EFTUD2: variants seen among roughly 807,000 people sequenced by gnomAD.
EFTUD2 encodes the protein elongation factor Tu GTP binding domain containing 2, also known as 116 kDa U5 small nuclear ribonucleoprotein component.
EFTUD2 carries 9 observed loss-of-function variants against 114.3 expected under a neutral mutation model. The ratio of observed to expected loss-of-function variants is 0.08; its 90% CI spans 0.05 to 0.14. EFTUD2 has a LOEUF of 0.14. Ranked by LOEUF, EFTUD2 falls within the 10% of genes least tolerant of loss-of-function variation. The pLI is 1.00. For missense variants in EFTUD2, 765 were observed against 1,241.2 expected, an observed-to-expected ratio of 0.62 and a Z score of 5.76; for synonymous variants, 449 against 462.3, an observed-to-expected ratio of 0.97 and a Z score of 0.37.
At chr17:44,878,090 C>G (rs980340221) in intron 9 of EFTUD2, among the ~76,000 whole-genome samples, 1 of 150,838 alleles carries the variant, frequency 6.6e-6, no homozygotes, top group Non-Finnish European at 1.5e-5. Context: ...AAACTGAGAT[C>G]GCACCACTTC....
chr17:44,867,061 C>T (rs894481858), intron 13 of EFTUD2, among the ~76,000 whole-genome samples: 3 of 152,176 alleles, frequency 2.0e-5, no homozygotes, highest in Admixed American at 6.5e-5. Flanking sequence ...GAGCTATGAT[C>T]GTGCTATTGC....
Position 44,863,777 on chromosome 17 carries a change from C to A in EFTUD2, c.1291G>T (p.Val431Leu). The part of the protein sequence containing the change: ...KKFFGEFTGF[V>L]DMCVQHIPSP... ...GGGATATGCTGCACACACATGTCCACAAAGCCTGTGGATGGAGAAGAGAAA... is the reference window on the plus strand; with the variant it reads ...GGGATATGCTGCACACACATGTCCAAAAAGCCTGTGGATGGAGAAGAGAAA... Residue 431 changes from valine (V) to leucine (L), a missense_variant, in exon 15 of 28, where the codon GTG (valine) becomes TTG (leucine). Physicochemically the swap from Val to Leu is conservative, Grantham distance 32. This residue lies in a region of EFTUD2 where 251 missense variants were observed against 357.7 expected (regional missense o/e 0.70). Coordinates refer to ENST00000426333, the MANE Select transcript of EFTUD2 (RefSeq NM_004247.4). The A allele has an allele frequency of 6.2e-7, 1 of 1,613,950 alleles. No homozygotes were observed. Among genetic ancestry groups the A allele is most frequent in the Non-Finnish European group, 8.5e-7 (1 of 1,179,898 alleles).
At chr17:44,852,003 C>T (rs1023538598) in intron 26 of EFTUD2, among the ~76,000 whole-genome samples, 186 bp from the exon 27 acceptor site, 2 of 152,046 alleles carry the variant, frequency 1.3e-5, no homozygotes, top group East Asian at 3.9e-4. Flanking sequence ...ATGCAACCTC[C>T]GCCTCCCGGG....
At chr17:44,860,226 A>T in intron 17 of EFTUD2, 181 bp from the exon 18 acceptor site, 1 of 864,896 alleles carries the variant, frequency 1.2e-6, no homozygotes, top group East Asian at 2.6e-5. Flanking sequence ...GGCAGAACAA[A>T]GAGAGGAGGA....
chr17:44,851,963 G>A lies in EFTUD2; in HGVS notation c.2716-146C>T, dbSNP rs1017459512. On this transcript the variant is annotated intron_variant, in intron 26 of 27. Transcript: ENST00000426333. ...ATGGAGTTTCGCTCTTGTCTCCCAG[G>A]CTGGAGTACAATGGCATGATCTCGG... 1.2e-5 allele frequency: 9 copies of A among 765,840 alleles called. No individual in the cohort carries two copies. In the Admixed American group the frequency reaches 2.9e-4, roughly 24 times the overall value. 47.4% of individuals were successfully genotyped at this position (765,840 alleles called of 1,614,324 possible). A position where few individuals can be genotyped will look rare whatever the true frequency, so the allele number is the denominator to read the frequency against.
At chr17:44,882,541 C>T (rs2051091301) in intron 6 of EFTUD2, among the ~76,000 whole-genome samples, 1 of 152,228 alleles carries the variant, frequency 6.6e-6, no homozygotes, top group African/African-American at 2.4e-5. Context: ...TAGGCATGAG[C>T]CACCACTCTT....
At chr17:44,893,150 C>T (rs1439536802) in intron 2 of EFTUD2, among the ~76,000 whole-genome samples, 1 of 148,146 alleles carries the variant, frequency 6.8e-6, no homozygotes, top group Non-Finnish European at 1.5e-5. Flanking sequence ...GAGACCGAGT[C>T]TCACTCTTGT....
Position 44,854,864 on chromosome 17 carries a change from A to T in EFTUD2, c.2132+54T>A. Reference sequence around the variant, plus strand: ...GTGTGCTCTTAGAGACCCGGCAGTTAAACTGTGGCATCCCTGCCTCCTTTC... The same window carrying T: ...GTGTGCTCTTAGAGACCCGGCAGTTTAACTGTGGCATCCCTGCCTCCTTTC... On this transcript the variant is annotated intron_variant, in intron 21 of 27. Transcript: ENST00000426333. This position sits in a 1 kb window ranked among gnomAD's most constrained non-coding sequence, Gnocchi z 4.3. 1 of 1,590,772 alleles carries T rather than the reference A, an allele frequency of 6.3e-7. No homozygotes were observed. The highest frequency in any genetic ancestry group is 8.6e-7 in the Non-Finnish European group (1 of 1,159,270).
At position 44,850,943 on chromosome 17, in the gene EFTUD2, T is replaced by C. The variant is rs1249859648; in HGVS notation, c.*331A>G. The C allele has an allele frequency of 6.0e-6, 2 of 332,056 alleles. No homozygotes were observed. The highest frequency in any genetic ancestry group is 4.1e-5 in the Admixed American group (1 of 24,386). The allele number at this position is 332,056 out of a possible 1,614,324, so 20.6% of individuals were successfully genotyped here. On this transcript the variant is annotated 3_prime_UTR_variant, in exon 28 of 28. Transcript: ENST00000426333. ...GAATGTTCTGTTCACTTGCAAACCA[T>C]GGCTAAGGTCAAACTTGTAGAAAAT... is the stretch of plus-strand genomic sequence containing the variant.
rs2050474471 is a variant in EFTUD2 at position 44,852,571 on chromosome 17, G to C, written c.2562-9C>G. The C allele has an allele frequency of 6.2e-7, 1 of 1,612,922 alleles. No individual in the cohort carries two copies. Among genetic ancestry groups the C allele is most frequent in the Non-Finnish European group, 8.5e-7 (1 of 1,179,494 alleles). ...CCTGAGTCACGTGCCCCCTGAGACA[G>C]AAAAACAAAGGCTGAGCCTCTAGTC... On this transcript the variant is annotated splice_polypyrimidine_tract_variant and intron_variant, in intron 25 of 27. Transcript: ENST00000426333.
Position 44,859,160 on chromosome 17 carries a change from C to G in EFTUD2, c.1882G>C (p.Val628Leu). The part of the protein sequence containing the change: ...TTKVEESGEH[V>L]ILGTGELYLD... The stretch of plus-strand genomic sequence containing the variant: ...TAGAGCTCCCCAGTGCCCAGGATCA[C>G]ATGCTCGCCAGACTCCTCCACCTGA... The change falls in exon 19 of 28, where the codon GTG becomes CTG. Residue 628 changes from valine to leucine, a missense_variant. Val to Leu is a conservative substitution (Grantham distance 32, BLOSUM62 1). Transcript: ENST00000426333. 1.2e-6 allele frequency: 2 copies of G among 1,613,910 alleles called. No homozygotes were observed. The highest frequency in any genetic ancestry group is 1.7e-6 in the Non-Finnish European group (2 of 1,179,760).
intron 13 of EFTUD2, 112 bp downstream of exon 13, chr17:44,867,695 T>C (rs2050774237): frequency 2.3e-6 from 2 of 880,152 alleles, no homozygotes; most frequent in East Asian, 3.1e-5. Context: ...ACCACCCTTA[T>C]ACTTGACATA....
Position 44,886,778 on chromosome 17 carries a change from G to C in EFTUD2, c.106-28C>G, listed in dbSNP as rs777040962. The C allele has an allele frequency of 6.2e-6, 10 of 1,600,554 alleles. No homozygotes were observed. In the East Asian group the frequency reaches 2.3e-4, roughly 36 times the overall value. ...GAAAGCAAGAGGGAGAGGGAGAATCGAAGAGGCACACGCTTTTCCTGTTTG... is the reference window on the plus strand; with the variant it reads ...GAAAGCAAGAGGGAGAGGGAGAATCCAAGAGGCACACGCTTTTCCTGTTTG... On this transcript the variant is annotated intron_variant, in intron 2 of 27. Transcript: ENST00000426333.
rs1186855869 is a variant in EFTUD2, at chr17:44,865,015, G to A, written c.1200C>T (p.Gly400=). ...TCAGCTCCTCCTTCGTCAGGTGGAT[G>A]CCAAGCTCGTCTAGGGTCCGTGGGA... ...TSLPRTLDEL[G]IHLTKEELKL... Residue 400 remains glycine (G), a synonymous_variant, in exon 14 of 28, where the codon GGC becomes GGT. Transcript: ENST00000426333. 1.2e-6 allele frequency: 2 copies of A among 1,614,072 alleles called. No homozygotes were observed. Among genetic ancestry groups the A allele is most frequent in the Non-Finnish European group, 1.7e-6 (2 of 1,180,052 alleles).
At chr17:44,866,868 C>CCT (rs2050755173) in intron 13 of EFTUD2, among the ~76,000 whole-genome samples, 1 of 152,126 alleles carries the variant, frequency 6.6e-6, no homozygotes, top group Non-Finnish European at 1.5e-5. Flanking sequence ...CTTTGGGAGG[C>CCT]CAAGGCAGGA....
chr17:44,861,122 G>T (rs762064965), intron 16 of EFTUD2, among the ~76,000 whole-genome samples: 99 of 152,106 alleles, frequency 6.5e-4, no homozygotes, highest in Non-Finnish European at 1.2e-3. Context: ...GCTGCCCAAG[G>T]TGTCGACTGT....
intron 13 of EFTUD2, 143 bp from the exon 14 acceptor site, chr17:44,865,208 AAAG>A: frequency 7.8e-7 from 1 of 1,277,930 alleles, no homozygotes. Flanking sequence ...GGCAAGGACA[AAAG>A]TTTGGTTTCA....
chr17:44,853,866 C>T, intron 23 of EFTUD2: 1 of 1,399,010 alleles, frequency 7.1e-7, no homozygotes, highest in East Asian at 2.6e-5. Context: ...AGACTTAGAG[C>T]TTTCCTAGAA....
At chr17:44,868,513 C>A in intron 11 of EFTUD2, 163 bp from the exon 12 acceptor site, 1 of 615,940 alleles carries the variant, frequency 1.6e-6, no homozygotes, top group Non-Finnish European at 2.8e-6. Context: ...CACTGAGGCA[C>A]AAAGAAGGAC....
Sources: allele counts gnomAD v4.1 joint callset (sites outside exome capture counted in the v4.1 genomes callset), GRCh38; gene constraint gnomAD v4.1.1; regional missense constraint gnomAD v4.1.1; non-coding constraint Gnocchi (gnomAD v3.1); transcripts MANE v1.5; gene names NCBI Gene and HGNC (gene_info 2026-07-23, HGNC 2026-07-21).